The following NTRK3 variants were observed in gnomAD, a reference collection of about 807,000 sequenced individuals.
NTRK3 encodes neurotrophic receptor tyrosine kinase 3, also known as NT-3 growth factor receptor.
NTRK3 carries 24 observed loss-of-function variants against 91.7 expected under a neutral mutation model. The ratio of observed to expected loss-of-function variants is 0.26; its 90% confidence interval spans 0.19 to 0.37. The LOEUF is 0.37. Ranked by LOEUF, NTRK3 falls within the 10% of genes least tolerant of loss-of-function variation. The pLI is 1.00. For synonymous variants in NTRK3, 483 were observed against 404.0 expected, an observed-to-expected ratio of 1.20 and a Z score of -2.34; for missense variants, 880 against 1,068.9, an observed-to-expected ratio of 0.82 and a Z score of 2.46.
intron 5 of NTRK3, among the ~76,000 whole-genome samples, chr15:88,149,172 A>G (rs1280982325): frequency 1.3e-5 from 2 of 152,160 alleles, no homozygotes; most frequent in Non-Finnish European, 2.9e-5. Flanking sequence ...CTAAAATACA[A>G]GAACAACCAA....
At chr15:87,882,175 C>T (rs557236105) in intron 17 of NTRK3, among the ~76,000 whole-genome samples, 3 of 152,244 alleles carry the variant, frequency 2.0e-5, no homozygotes, top group East Asian at 1.9e-4. Context: ...GGATTACAGG[C>T]GTGAGCCACT....
chr15:87,941,110 G>C (rs2069796983), intron 14 of NTRK3, among the ~76,000 whole-genome samples: 1 of 152,062 alleles, frequency 6.6e-6, no homozygotes, highest in African/African-American at 2.4e-5. Flanking sequence ...TGAATCCCCT[G>C]GGAATCTTGT....
chr15:88,074,325 A>T (rs1262326735), intron 13 of NTRK3, among the ~76,000 whole-genome samples: 1 of 152,258 alleles, frequency 6.6e-6, no homozygotes, highest in Non-Finnish European at 1.5e-5. Context: ...GGCACTGCCC[A>T]AAATGGTGGC....
intron 13 of NTRK3, among the ~76,000 whole-genome samples, chr15:88,087,007 A>T (rs1325272120): frequency 6.6e-6 from 1 of 152,258 alleles, no homozygotes; most frequent in Non-Finnish European, 1.5e-5. Flanking sequence ...ACCCAGCTCA[A>T]AAACGGGTGC....
intron 17 of NTRK3, among the ~76,000 whole-genome samples, chr15:87,921,127 T>G (rs1287593470): frequency 6.6e-6 from 1 of 152,176 alleles, no homozygotes; most frequent in Non-Finnish European, 1.5e-5. Flanking sequence ...AAATAAAATT[T>G]TATTATAAAA....
intron 14 of NTRK3, among the ~76,000 whole-genome samples, chr15:87,972,466 T>C (rs1025718557): frequency 3.3e-5 from 5 of 152,198 alleles, no homozygotes; most frequent in Non-Finnish European, 7.3e-5. Flanking sequence ...GCAGGGGATT[T>C]TGACCACCCC....
At chr15:88,018,112 C>G (rs1203103604) in intron 14 of NTRK3, among the ~76,000 whole-genome samples, 1 of 152,228 alleles carries the variant, frequency 6.6e-6, no homozygotes, top group Non-Finnish European at 1.5e-5. Flanking sequence ...CCAAGGACTT[C>G]TGCTCTTCTC....
At chr15:88,171,029 A>T (rs555219260) in intron 5 of NTRK3, among the ~76,000 whole-genome samples, 1 of 152,316 alleles carries the variant, frequency 6.6e-6, no homozygotes, top group East Asian at 1.9e-4. Flanking sequence ...TGGAGACTTC[A>T]CAATCACGGA....
At chr15:88,048,033 G>A (rs915700058) in intron 13 of NTRK3, among the ~76,000 whole-genome samples, 1 of 152,174 alleles carries the variant, frequency 6.6e-6, no homozygotes, top group Non-Finnish European at 1.5e-5. Flanking sequence ...GGCCTAGCAA[G>A]TATCCTCAGA....
At chr15:88,195,799 G>A (rs1224871060) in intron 3 of NTRK3, among the ~76,000 whole-genome samples, 1 of 152,222 alleles carries the variant, frequency 6.6e-6, no homozygotes, top group Non-Finnish European at 1.5e-5. Flanking sequence ...GCCTGAGTGA[G>A]AAGGAGTTTG....
chr15:88,254,103 C>A (rs2053738424), intron 3 of NTRK3, among the ~76,000 whole-genome samples: 1 of 152,196 alleles, frequency 6.6e-6, no homozygotes, highest in East Asian at 1.9e-4. Context: ...GCCCCTTCTT[C>A]CAACCCTTGG....
At chr15:87,981,651 C>T (rs188560401) in intron 14 of NTRK3, among the ~76,000 whole-genome samples, 116 of 152,268 alleles carry the variant, frequency 7.6e-4, no homozygotes, top group African/African-American at 2.7e-3. Context: ...AACATATTTG[C>T]CCCCCATTTT....
chr15:87,876,513 T>C (rs2064954523), exon 19 of NTRK3: 1 of 223,622 alleles, frequency 4.5e-6, no homozygotes, highest in South Asian at 1.8e-4. Flanking sequence ...TCTCTCTGCA[T>C]GGTCCAGGTC....
chr15:88,175,894 C>T (rs981515342), intron 5 of NTRK3, among the ~76,000 whole-genome samples: 3 of 152,212 alleles, frequency 2.0e-5, no homozygotes. Flanking sequence ...AACTACTTAT[C>T]GAAATAACCA....
At chr15:88,112,839 A>G (rs2051573836) in intron 13 of NTRK3, among the ~76,000 whole-genome samples, 1 of 152,252 alleles carries the variant, frequency 6.6e-6, no homozygotes, top group Middle Eastern at 3.4e-3. Flanking sequence ...GCATTGTCCA[A>G]TGCACCTGGA....
chr15:88,193,467 C>A (rs1239159000), intron 3 of NTRK3, among the ~76,000 whole-genome samples: 1 of 152,104 alleles, frequency 6.6e-6, no homozygotes, highest in Non-Finnish European at 1.5e-5. Flanking sequence ...ACACACCAAA[C>A]GAAGAGGAAG....
intron 5 of NTRK3, among the ~76,000 whole-genome samples, chr15:88,163,154 C>T (rs761801759): frequency 1.3e-5 from 2 of 152,178 alleles, no homozygotes; most frequent in Admixed American, 6.5e-5. Context: ...CCAACTCATA[C>T]AGAAATTCCC....
intron 17 of NTRK3, chr15:87,928,449 A>G (rs1248489017): frequency 6.6e-6 from 1 of 152,452 alleles, no homozygotes; most frequent in Non-Finnish European, 1.5e-5. Context: ...ATCCATGGAA[A>G]AAAAGATTCC....
exon 6 of NTRK3, chr15:88,147,342 G>A (rs201576544): frequency 1.1e-5 from 17 of 1,613,522 alleles, no homozygotes; most frequent in Middle Eastern, 1.6e-4. Context: ...TACAATTCCC[G>A]AAGACTCAGC....
Sources: allele counts gnomAD v4.1 joint callset (sites outside exome capture counted in the v4.1 genomes callset), GRCh38; gene constraint gnomAD v4.1.1; transcripts MANE v1.5; gene names NCBI Gene and HGNC (gene_info 2026-07-23, HGNC 2026-07-21).